Variants in FMN2 observed in about 807,000 individuals in gnomAD.
FMN2 encodes the protein formin-2.
Under a neutral mutation model 142.3 loss-of-function variants are expected in FMN2, and 51 were observed. The observed-to-expected ratio is 0.36, with a 90% CI of 0.29 to 0.45. The LOEUF (loss-of-function observed/expected upper bound fraction) is 0.45. Ranked by LOEUF, FMN2 falls within the 20% of genes least tolerant of loss-of-function variation. FMN2 has a pLI of 1.00. For missense variants in FMN2, 1,936 were observed against 2,122.8 expected, an observed-to-expected ratio of 0.91 and a Z score of 1.73; for synonymous variants, 882 against 869.8, an observed-to-expected ratio of 1.01 and a Z score of -0.25.
At chr1:240,463,218 C>G (rs780272766) in intron 16 of FMN2, among the ~76,000 whole-genome samples, 1 of 151,978 alleles carries the variant, frequency 6.6e-6, no homozygotes, top group Non-Finnish European at 1.5e-5. Context: ...GTTCAGGGGA[C>G]GTGAGAAGGC....
intron 2 of FMN2, among the ~76,000 whole-genome samples, chr1:240,150,671 A>G (rs1321834877): frequency 6.6e-6 from 1 of 152,204 alleles, no homozygotes; most frequent in Non-Finnish European, 1.5e-5. Context: ...TTTAATGCTA[A>G]TAGTCACCAC....
intron 16 of FMN2, among the ~76,000 whole-genome samples, chr1:240,457,202 A>G (rs566233724): frequency 1.3e-5 from 2 of 152,296 alleles, no homozygotes; most frequent in South Asian, 2.1e-4. Context: ...TTCAAAATCA[A>G]TGTTCCCCAA....
intron 8 of FMN2, among the ~76,000 whole-genome samples, chr1:240,318,478 G>A (rs887212605): frequency 6.6e-6 from 1 of 151,966 alleles, no homozygotes; most frequent in Non-Finnish European, 1.5e-5. Context: ...CCCACTCTGG[G>A]ATAAATGGGA....
At chr1:240,107,687 A>G (rs1026030234) in intron 1 of FMN2, among the ~76,000 whole-genome samples, 2 of 151,940 alleles carry the variant, frequency 1.3e-5, no homozygotes, top group African/African-American at 4.8e-5. Flanking sequence ...AAATTTCTCT[A>G]TTTATTTTTG....
intron 14 of FMN2, among the ~76,000 whole-genome samples, chr1:240,382,783 C>T (rs562417976): frequency 6.6e-6 from 1 of 151,616 alleles, no homozygotes; most frequent in Admixed American, 6.6e-5. Context: ...CATATGGAGC[C>T]AAAACTGAGC....
chr1:240,096,501 G>A (rs146182804), intron 1 of FMN2, among the ~76,000 whole-genome samples: 15 of 152,090 alleles, frequency 9.9e-5, no homozygotes, highest in Non-Finnish European at 1.9e-4. Flanking sequence ...CTGCCACTAC[G>A]TTTGCTTCTT....
At chr1:240,361,185 A>AT (rs1558452732) in intron 14 of FMN2, among the ~76,000 whole-genome samples, 14 of 106,662 alleles carry the variant, frequency 1.3e-4, no homozygotes, top group Non-Finnish European at 1.9e-4. Flanking sequence ...ATATATATAT[A>AT]AAAGAGTTTA....
chr1:240,212,945 TTTTG>T (rs985014724), intron 6 of FMN2, among the ~76,000 whole-genome samples: 36 of 152,224 alleles, frequency 2.4e-4, no homozygotes, highest in African/African-American at 6.5e-4. Flanking sequence ...TTTTGTGTTT[TTTTG>T]TTTGTTTGTT....
Position 240,207,395 on chromosome 1 carries a change from G to C in FMN2, c.2583G>C (p.Leu861=), listed in dbSNP as rs773979550. ...GTAACATCCCATCTCCACCACCTCT[G>C]CCTTGCACAGAGTCCTCCAGCTCCA... ...NSCNIPSPPP[L]PCTESSSSMP... is the part of the protein sequence containing the mutation. The change falls in exon 5 of 18, where the codon CTG becomes CTC. Residue 861 remains leucine, a synonymous_variant. Coordinates refer to ENST00000319653, the MANE Select transcript of FMN2 (RefSeq NM_020066.5). 1.2e-6 allele frequency: 2 copies of C among 1,613,752 alleles called. No individual in the cohort carries two copies. The highest frequency in any genetic ancestry group is 1.7e-5 in the Admixed American group (1 of 59,992).
At chr1:240,246,599 AG>A (rs1292557955) in intron 6 of FMN2, among the ~76,000 whole-genome samples, 1 of 152,218 alleles carries the variant, frequency 6.6e-6, no homozygotes, top group Non-Finnish European at 1.5e-5. Flanking sequence ...ATCACCCGAA[AG>A]CTCGTTAGAA....
chr1:240,334,098 T>C lies in FMN2; in HGVS notation c.4645-11T>C. 6.3e-7 allele frequency: 1 copy of C among 1,585,850 alleles called. No homozygotes were observed. The highest frequency in any genetic ancestry group is 1.2e-5 in the South Asian group (1 of 84,546). ...ATTTCTTTAAATATGATGGGGTTTT[T>C]TGTTCATTAGGATGCTGGAAAAGAA... On this transcript the variant is annotated splice_polypyrimidine_tract_variant and intron_variant, in intron 12 of 17. Coordinates refer to ENST00000319653, the MANE Select transcript of FMN2 (RefSeq NM_020066.5).
In FMN2 at chr1:240,273,419, T is replaced by C. The variant is rs550052008; in HGVS notation, c.4153+15387T>C. Among the ~76,000 whole-genome samples the C allele has an allele frequency of 6.6e-5, 10 of 152,266 alleles. No individual in the cohort carries two copies. In the South Asian group the frequency reaches 2.1e-3, roughly 32 times the overall value. On this transcript the variant is annotated intron_variant, in intron 7 of 17. Transcript: ENST00000319653. ...ATGATCTAAACACAGGCATTCTGGG[T>C]CCAGGTCCATGCTCTGAACCTCTGC...
intron 16 of FMN2, among the ~76,000 whole-genome samples, chr1:240,453,220 A>G (rs545418233): frequency 6.6e-6 from 1 of 152,310 alleles, no homozygotes; most frequent in South Asian, 2.1e-4. Flanking sequence ...GAAAAGCAAT[A>G]AACTTACTAT....
chr1:240,447,744 G>A (rs902555558), intron 16 of FMN2, among the ~76,000 whole-genome samples: 1 of 152,154 alleles, frequency 6.6e-6, no homozygotes, highest in Non-Finnish European at 1.5e-5. Context: ...GACTACTAAT[G>A]AAGTTTCTCT....
chr1:240,363,610 G>T (rs1358331182), intron 14 of FMN2, among the ~76,000 whole-genome samples: 1 of 152,144 alleles, frequency 6.6e-6, no homozygotes, highest in Admixed American at 6.5e-5. Flanking sequence ...TGTTCCCTGA[G>T]ACCCAGGACA....
At chr1:240,163,396 C>T (rs974957834) in intron 2 of FMN2, among the ~76,000 whole-genome samples, 14 of 152,108 alleles carry the variant, frequency 9.2e-5, no homozygotes, top group Non-Finnish European at 1.3e-4. Flanking sequence ...ATTTGAAGCA[C>T]GCATATTTAG....
chr1:240,274,231 A>T (rs1029357762), intron 7 of FMN2, among the ~76,000 whole-genome samples: 8 of 152,136 alleles, frequency 5.3e-5, no homozygotes, highest in African/African-American at 1.9e-4. Flanking sequence ...GAAAAAAAAA[A>T]AAAAAGAGAG....
intron 2 of FMN2, among the ~76,000 whole-genome samples, chr1:240,157,782 C>T (rs988749304): frequency 1.3e-5 from 2 of 151,938 alleles, no homozygotes; most frequent in Non-Finnish European, 2.9e-5. Context: ...AAGACTGGCA[C>T]TTCAAAATTA....
chr1:240,273,667 G>A (rs923734857), intron 7 of FMN2, among the ~76,000 whole-genome samples: 1 of 145,316 alleles, frequency 6.9e-6, no homozygotes, highest in Non-Finnish European at 1.5e-5. Context: ...GGCAGAGGGG[G>A]CAGAGACACA....
Sources: allele counts gnomAD v4.1 joint callset (sites outside exome capture counted in the v4.1 genomes callset), GRCh38; gene constraint gnomAD v4.1.1; transcripts MANE v1.5; gene names NCBI Gene and HGNC (gene_info 2026-07-23, HGNC 2026-07-21).